IGFBP6: variants seen among roughly 807,000 people sequenced by gnomAD.
The protein encoded by IGFBP6 is insulin like growth factor binding protein 6, also known as insulin-like growth factor-binding protein 6.
Under a neutral mutation model 24.5 loss-of-function variants are expected in IGFBP6, and 24 were observed. The observed-to-expected ratio is 0.98, with a 90% confidence interval of 0.71 to 1.38. IGFBP6 has a LOEUF of 1.38. Ranked by LOEUF, IGFBP6 falls within the 40% of genes most tolerant of loss-of-function variation. The pLI, the probability that IGFBP6 is intolerant of heterozygous loss-of-function variation, is 0.00. For missense variants in IGFBP6, 331 were observed against 324.8 expected, an observed-to-expected ratio of 1.02 and a Z score of -0.15; for synonymous variants, 147 against 137.4, an observed-to-expected ratio of 1.07 and a Z score of -0.49.
At position 53,102,223 on chromosome 12, in the gene IGFBP6, C is replaced by A; in HGVS notation, c.*56C>A. On this transcript the variant is annotated 3_prime_UTR_variant, in exon 4 of 4. Coordinates refer to ENST00000301464, the MANE Select transcript of IGFBP6 (RefSeq NM_002178.3). ...TGGAAGGAACATGGAGCTGTCATCA[C>A]TCAACAAAAAACCGAGGCCCTCAAT... 9 of 1,597,800 alleles carry A rather than the reference C, an allele frequency of 5.6e-6. No individual in the cohort carries two copies. The highest frequency in any genetic ancestry group is 7.7e-6 in the Non-Finnish European group (9 of 1,172,872).
At chr12:53,098,187 T>A in intron 1 of IGFBP6, 136 bp downstream of exon 1, 1 of 1,071,936 alleles carries the variant, frequency 9.3e-7, no homozygotes, top group Non-Finnish European at 1.2e-6. Flanking sequence ...GGGGGGCACA[T>A]TTGTGTGGGG....
chr12:53,102,259 GC>G lies in IGFBP6; in HGVS notation c.*96del. ...ACCGAGGCCCTCAATCCACCTTCAG[GC>G]CCCGCCCCATGGGCCCCTCACCGCT... On this transcript the variant is annotated 3_prime_UTR_variant, in exon 4 of 4. Coordinates refer to ENST00000301464, the MANE Select transcript of IGFBP6 (RefSeq NM_002178.3). 2 of 1,460,102 alleles carry G rather than the reference GC, an allele frequency of 1.4e-6. No individual in the cohort carries two copies. Among genetic ancestry groups the G allele is most frequent in the Non-Finnish European group, 1.9e-6 (2 of 1,074,492 alleles). The allele number at this position is 1,460,102 out of a possible 1,614,324, so 90.4% of individuals were successfully genotyped here. A position where few individuals can be genotyped will look rare whatever the true frequency, so the allele number is the denominator to read the frequency against.
In IGFBP6 at chr12:53,099,928, G is replaced by A. The variant is rs529255823; in HGVS notation, c.335-784G>A. 1.0e-3 allele frequency among the ~76,000 whole-genome samples: 157 copies of A among 150,650 alleles called. 2 individuals are homozygous for A. The Middle Eastern group carries it at 0.014, about 13-fold the overall frequency. ...CCAGGCTGGAGTACAGTGGTCCAGCGTCTCACTGCAACCTCCGCCCCCCCG... is the reference window on the plus strand; with the variant it reads ...CCAGGCTGGAGTACAGTGGTCCAGCATCTCACTGCAACCTCCGCCCCCCCG... On this transcript the variant is annotated intron_variant, in intron 1 of 3. Coordinates refer to ENST00000301464, the MANE Select transcript of IGFBP6 (RefSeq NM_002178.3).
At chr12:53,098,124 G>A in intron 1 of IGFBP6, 73 bp downstream of exon 1, 2 of 1,362,552 alleles carry the variant, frequency 1.5e-6, no homozygotes, top group South Asian at 3.4e-5. Context: ...GGGGAGACGG[G>A]AGTGGGTGGC....
At chr12:53,098,898 A>T (rs1355294905) in intron 1 of IGFBP6, 1 of 153,280 alleles carries the variant, frequency 6.5e-6, no homozygotes, top group Non-Finnish European at 1.5e-5. Flanking sequence ...TGGAGAATTC[A>T]CTTGGAGTTT....
rs1045581075 is a variant in IGFBP6, at chr12:53,098,082, A to T, written c.334+31A>T. On this transcript the variant is annotated intron_variant, in intron 1 of 3. Transcript: ENST00000301464. Reference sequence around the variant, plus strand: ...TCCGCGCCCCGCCCCTGCCCCGCCCACGTGAGACCCGCGTCCTCCAGGCAG... The same window carrying T: ...TCCGCGCCCCGCCCCTGCCCCGCCCTCGTGAGACCCGCGTCCTCCAGGCAG... 7 of 1,397,256 alleles carry T rather than the reference A, an allele frequency of 5.0e-6. No individual in the cohort carries two copies. In the Admixed American group the frequency reaches 1.4e-4, roughly 27 times the overall value. 86.6% of individuals were successfully genotyped at this position (1,397,256 alleles called of 1,614,324 possible).
At chr12:53,100,628 ACTTC>A in intron 1 of IGFBP6, 80 bp from the exon 2 acceptor site, 1 of 1,382,990 alleles carries the variant, frequency 7.2e-7, no homozygotes, top group Non-Finnish European at 1.0e-6. Flanking sequence ...TCCCTTCCTT[ACTTC>A]AGCAGGTGAT....
chr12:53,099,983 C>T (rs1406548312), intron 1 of IGFBP6, among the ~76,000 whole-genome samples: 11 of 151,956 alleles, frequency 7.2e-5, no homozygotes, highest in African/African-American at 9.7e-5. Flanking sequence ...TCTCAGCCTC[C>T]GGAGTAGCTG....
rs1937820386 is a variant in IGFBP6, at chr12:53,101,121, GC to G, written c.564del (p.Asn189IlefsTer57). 1 of 1,614,166 alleles carries G rather than the reference GC, an allele frequency of 6.2e-7. No homozygotes were observed. The highest frequency in any genetic ancestry group is 1.3e-5 in the African/African-American group (1 of 75,052). On this transcript the variant is annotated frameshift_variant, in exon 3 of 4. Coordinates refer to ENST00000301464, the MANE Select transcript of IGFBP6 (RefSeq NM_002178.3). LOFTEE classifies it high-confidence loss of function. ...ACCGAGGGGCTCAAACACTCTACGT[GC>G]CCAATTGTGACCATCGAGGCTTCTA... ...VYRGAQTLYV[P>X]NCDHRGFYRK... is the part of the protein sequence containing the mutation.
rs746154579 is a variant in IGFBP6, at chr12:53,100,697, C to G, written c.335-15C>G. On this transcript the variant is annotated splice_polypyrimidine_tract_variant and intron_variant, in intron 1 of 3. Coordinates refer to ENST00000301464, the MANE Select transcript of IGFBP6 (RefSeq NM_002178.3). ...GCCTGATTTCTGACCTCTCCTTCTC[C>G]TATTCCTCCTCCAGTTGCAGAGGAG... is the stretch of plus-strand genomic sequence containing the variant. 1.8e-5 allele frequency: 29 copies of G among 1,613,832 alleles called. No individual in the cohort carries two copies. The East Asian group carries it at 6.5e-4, about 36-fold the overall frequency.
chr12:53,098,389 G>T (rs1460183491), intron 1 of IGFBP6, among the ~76,000 whole-genome samples: 3 of 152,210 alleles, frequency 2.0e-5, no homozygotes, highest in African/African-American at 7.2e-5. Flanking sequence ...GCTCCAGCAG[G>T]CCCAGCTCCT....
chr12:53,101,583 G>T (rs777128615), intron 3 of IGFBP6, among the ~76,000 whole-genome samples: 4 of 152,114 alleles, frequency 2.6e-5, no homozygotes, highest in Non-Finnish European at 5.9e-5. Context: ...ACAATTTATT[G>T]GTTGAAGAGG....
At position 53,102,136 on chromosome 12, in the gene IGFBP6, G is replaced by T. The variant is rs754582671; in HGVS notation, c.692G>T (p.Ser231Ile). ...CCAGGGTCTCCAGATGGCAATGGAA[G>T]CTCCTCCTGCCCCACTGGGAGTAGC... is the stretch of plus-strand genomic sequence containing the variant. The part of the protein sequence containing the change: ...SLPGSPDGNG[S>I]SSCPTGSSG The change falls in exon 4 of 4, where the codon AGC becomes ATC. Residue 231 changes from serine to isoleucine, a missense_variant. By Grantham distance (142) the Ser-to-Ile change is moderately radical (BLOSUM62 -2). Transcript: ENST00000301464. The T allele has an allele frequency of 6.2e-7, 1 of 1,613,884 alleles. No individual in the cohort carries two copies. Among genetic ancestry groups the T allele is most frequent in the Non-Finnish European group, 8.5e-7 (1 of 1,179,986 alleles).
At position 53,102,253 on chromosome 12, in the gene IGFBP6, C is replaced by T. The variant is rs2121240522; in HGVS notation, c.*86C>T. On this transcript the variant is annotated 3_prime_UTR_variant, in exon 4 of 4. Transcript: ENST00000301464. ...CAAAAAACCGAGGCCCTCAATCCAC[C>T]TTCAGGCCCCGCCCCATGGGCCCCT... 1.3e-6 allele frequency: 2 copies of T among 1,488,602 alleles called. No individual in the cohort carries two copies. The highest frequency in any genetic ancestry group is 2.5e-5 in the South Asian group (2 of 81,116). The allele number at this position is 1,488,602 out of a possible 1,614,324, so 92.2% of individuals were successfully genotyped here.
At chr12:53,101,898 CAA>C (rs57771658) in intron 3 of IGFBP6, 145 bp from the exon 4 acceptor site, 13,124 of 196,180 alleles carry the variant, frequency 0.067, 12 homozygotes, top group African/African-American at 0.12. Flanking sequence ...GACTCCATCT[CAA>C]AAAAAAAAAA....
rs1937762251 is a variant in IGFBP6 at position 53,097,783 on chromosome 12, A to C, written c.66A>C (p.Pro22=). Reference sequence around the variant, plus strand: ...TAGCTCTGCTGCTCGCTGCCAGCCCAGGAGGCGCCTTGGCGCGGTGCCCAG... The same window carrying C: ...TAGCTCTGCTGCTCGCTGCCAGCCCCGGAGGCGCCTTGGCGCGGTGCCCAG... ...LLLALLLAAS[P]GGALARCPGC... Residue 22 remains proline (P), a synonymous_variant, in exon 1 of 4, where the codon CCA becomes CCC. Coordinates refer to ENST00000301464, the MANE Select transcript of IGFBP6 (RefSeq NM_002178.3). 3 of 1,544,858 alleles carry C rather than the reference A, an allele frequency of 1.9e-6. No homozygotes were observed. The highest frequency in any genetic ancestry group is 2.6e-6 in the Non-Finnish European group (3 of 1,146,110).
chr12:53,097,882 G>C lies in IGFBP6; in HGVS notation c.165G>C (p.Glu55Asp). The change falls in exon 1 of 4, where the codon GAG (glutamate) becomes GAC (aspartate). Residue 55 changes from glutamate to aspartate, a missense_variant. By Grantham distance (45) the Glu-to-Asp change is conservative. Transcript: ENST00000301464. ...AGGAGGATGGGGGGTCGCCAGCCGA[G>C]GGCTGCGCGGAAGCTGAGGGCTGTC... Reference protein sequence around the residue: ...VEEEDGGSPAEGCAEAEGCLR... With the variant: ...VEEEDGGSPADGCAEAEGCLR... 4 of 1,517,832 alleles carry C rather than the reference G, an allele frequency of 2.6e-6. No individual in the cohort carries two copies. Among genetic ancestry groups the C allele is most frequent in the Non-Finnish European group, 3.5e-6 (4 of 1,136,022 alleles). The allele number at this position is 1,517,832 out of a possible 1,614,324, so 94.0% of individuals were successfully genotyped here. A position where few individuals can be genotyped will look rare whatever the true frequency, so the allele number is the denominator to read the frequency against.
At chr12:53,101,265 T>C (rs1031857507) in intron 3 of IGFBP6, 105 bp downstream of exon 3, 20 of 1,156,492 alleles carry the variant, frequency 1.7e-5, no homozygotes, top group Non-Finnish European at 2.4e-5. Context: ...GCCCCATCTT[T>C]AAGGATCTTC....
At chr12:53,098,339 G>T (rs9658602) in intron 1 of IGFBP6, among the ~76,000 whole-genome samples, 2,813 of 152,300 alleles carry the variant, frequency 0.018, 42 homozygotes, top group Non-Finnish European at 0.03. Context: ...CTTGGGGGAG[G>T]CAGGGGGAGA....
Sources: gnomAD v4.1 joint callset for allele counts (sites outside exome capture counted in the v4.1 genomes callset) on GRCh38, gnomAD v4.1.1 for gene constraint, MANE v1.5 for transcripts, NCBI Gene and HGNC (gene_info 2026-07-23, HGNC 2026-07-21) for gene names.